CNOT1: variants seen among roughly 807,000 people sequenced by gnomAD.
CNOT1 encodes CCR4-associated factor 1.
Under a neutral mutation model 273.8 loss-of-function variants are expected in CNOT1, and 15 were observed. That is an observed-to-expected ratio of 0.05 (90% CI 0.04 to 0.08). The LOEUF (loss-of-function observed/expected upper bound fraction) is 0.08, where lower values mean the gene tolerates loss of function less well. CNOT1 is among the 10% of genes least tolerant of loss of function. The pLI is 1.00. For missense variants in CNOT1, 1,644 were observed against 2,912.2 expected (o/e 0.56, Z 10.02); for synonymous variants, 1,022 against 1,005.5 (o/e 1.02, Z -0.31).
At chr16:58,609,309 T>C (rs1486646636) in intron 1 of CNOT1, among the ~76,000 whole-genome samples, 3 of 151,722 alleles carry the variant, frequency 2.0e-5, no homozygotes, top group South Asian at 2.1e-4. Context: ...GAGGCGGAGG[T>C]TGCAGTGAGC....
intron 39 of CNOT1, 133 bp downstream of exon 39, chr16:58,536,853 AATG>A: frequency 7.4e-7 from 1 of 1,358,748 alleles, no homozygotes. Context: ...TTAACCATAT[AATG>A]ATGACAGTTT....
chr16:58,555,298 G>T lies in CNOT1; in HGVS notation c.2844C>A (p.Ser948=), dbSNP rs1470539376. ...CAGCAATCCCGAAATAATACATTTT[G>T]GATCCAAAAGGCTTGCGTAAGGCTT... is the stretch of plus-strand genomic sequence containing the variant. The part of the protein sequence containing the change: ...VLEALRKPFG[S]KMYYFGIAAL... Residue 948 remains serine, a synonymous_variant, in exon 21 of 49, where the codon TCC becomes TCA. Coordinates refer to ENST00000317147, the MANE Select transcript of CNOT1 (RefSeq NM_016284.5). The T allele has an allele frequency of 6.2e-7, 1 of 1,614,092 alleles. No individual in the cohort carries two copies. The highest frequency in any genetic ancestry group is 1.1e-5 in the South Asian group (1 of 91,080).
At chr16:58,523,267 C>T in intron 47 of CNOT1, 103 bp downstream of exon 47, 2 of 1,288,500 alleles carry the variant, frequency 1.6e-6, no homozygotes, top group Non-Finnish European at 2.1e-6. Flanking sequence ...AAAAAACCAA[C>T]CAAACGGATT....
intron 12 of CNOT1, 70 bp downstream of exon 12, chr16:58,580,563 T>A: frequency 6.5e-7 from 1 of 1,547,360 alleles, no homozygotes; most frequent in South Asian, 1.3e-5. Context: ...TGTACTTGGC[T>A]TACTATTAAC....
chr16:58,558,479 G>T lies in CNOT1; in HGVS notation c.2326C>A (p.Leu776Ile), dbSNP rs1317069429. The change falls in exon 18 of 49, where the codon CTT becomes ATT. Residue 776 changes from leucine (L) to isoleucine (I), a missense_variant. Leu to Ile is a conservative substitution (Grantham distance 5). Around this residue, in one of 13 missense-constraint regions of CNOT1, gnomAD observed 706 missense variants for 1,021.2 expected, o/e 0.69. Transcript: ENST00000317147. Reference sequence around the variant, plus strand: ...TCATTTGCCTCCCCCTTACCTGGAAGCTGTGATGAAAGTCCTCCAATACCA... The same window carrying T: ...TCATTTGCCTCCCCCTTACCTGGAATCTGTGATGAAAGTCCTCCAATACCA... The part of the protein sequence containing the change: ...FSGIGGLSSQ[L>I]PVGGLGTGSL... The T allele has an allele frequency of 6.2e-7, 1 of 1,613,982 alleles. No individual in the cohort carries two copies. The highest frequency in any genetic ancestry group is 8.5e-7 in the Non-Finnish European group (1 of 1,179,998).
At position 58,558,332 on chromosome 16, in the gene CNOT1, A is replaced by G. The variant is rs756606200; in HGVS notation, c.2332+141T>C. 7.8e-6 allele frequency: 11 copies of G among 1,411,302 alleles called. No homozygotes were observed. In the Admixed American group the frequency reaches 1.7e-4, roughly 21 times the overall value. The allele number at this position is 1,411,302 out of a possible 1,614,324, so 87.4% of individuals were successfully genotyped here. ...AATATAATCTGTTTTTCTTTTCCCAACTTTGGATACTGAAGTAGCTTTCAC... is the reference window on the plus strand; with the variant it reads ...AATATAATCTGTTTTTCTTTTCCCAGCTTTGGATACTGAAGTAGCTTTCAC... On this transcript the variant is annotated intron_variant, in intron 18 of 48. Coordinates refer to ENST00000317147, the MANE Select transcript of CNOT1 (RefSeq NM_016284.5).
In CNOT1 at chr16:58,542,317, G is replaced by A; in HGVS notation, c.4594C>T (p.His1532Tyr). 6.2e-7 allele frequency: 1 copy of A among 1,614,108 alleles called. No homozygotes were observed. Among genetic ancestry groups the A allele is most frequent in the Non-Finnish European group, 8.5e-7 (1 of 1,180,016 alleles). The change falls in exon 33 of 49, where the codon CAT becomes TAT. Residue 1532 changes from histidine to tyrosine, a missense_variant. Transcript: ENST00000317147. The stretch of plus-strand genomic sequence containing the variant: ...TATCTGCGTCCTTCTTGCCTAGCAT[G>A]TTTTCTCAGCTCAAATTCCTGCAAA... ...RLATEFELRK[H>Y]ARQEGRRYCD...
rs560252967 is a variant in CNOT1, at chr16:58,571,210, C to T, written c.1979+3399G>A. Among the ~76,000 whole-genome samples the T allele has an allele frequency of 7.9e-5, 12 of 152,116 alleles. No individual in the cohort carries two copies. The South Asian group carries it at 8.3e-4, about 11-fold the overall frequency. On this transcript the variant is annotated intron_variant, in intron 16 of 48. Transcript: ENST00000317147. ...ACAAAACAAATGTTTAAGAAAAAAACTGTTAATAGAGACAAAGACATTTTA... is the reference window on the plus strand; with the variant it reads ...ACAAAACAAATGTTTAAGAAAAAAATTGTTAATAGAGACAAAGACATTTTA...
chr16:58,591,777 A>G (rs2042064750), intron 2 of CNOT1, among the ~76,000 whole-genome samples: 1 of 151,918 alleles, frequency 6.6e-6, no homozygotes, highest in Non-Finnish European at 1.5e-5. Context: ...AAAGTTAACT[A>G]TGGGATACTC....
At position 58,557,147 on chromosome 16, in the gene CNOT1, C is replaced by T. The variant is rs184187667; in HGVS notation, c.2333-154G>A. 1.9e-3 allele frequency among the ~76,000 whole-genome samples: 288 copies of T among 152,320 alleles called. 1 individual carries two copies. Among genetic ancestry groups the T allele is most frequent in the Non-Finnish European group, 6.5e-4 (44 of 68,026 alleles). ...GTCTTTGTTAATTCCCTTATTACAT[C>T]TATTCAATTTTACAGAGCCTATAAA... is the stretch of plus-strand genomic sequence containing the variant. On this transcript the variant is annotated intron_variant, in intron 18 of 48. Coordinates refer to ENST00000317147, the MANE Select transcript of CNOT1 (RefSeq NM_016284.5).
At position 58,521,335 on chromosome 16, in the gene CNOT1, G is replaced by C; in HGVS notation, c.6918-18C>G. On this transcript the variant is annotated intron_variant, in intron 47 of 48. Transcript: ENST00000317147. The stretch of plus-strand genomic sequence containing the variant: ...AGAGAACTCTGGAAAAAGGGAGAAA[G>C]AGCTAGTTAATGTATAGAAGCATAC... The C allele has an allele frequency of 6.3e-7, 1 of 1,592,988 alleles. No homozygotes were observed. Among genetic ancestry groups the C allele is most frequent in the Non-Finnish European group, 8.5e-7 (1 of 1,174,062 alleles).
At chr16:58,602,476 C>T (rs1388541994) in intron 1 of CNOT1, among the ~76,000 whole-genome samples, 3 of 140,946 alleles carry the variant, frequency 2.1e-5, no homozygotes, top group South Asian at 4.4e-4. Flanking sequence ...TTGCCTAAAC[C>T]TGAGAGGCGG....
Position 58,588,899 on chromosome 16 carries a change from T to C in CNOT1, c.110A>G (p.Asn37Ser). 1 of 1,612,196 alleles carries C rather than the reference T, an allele frequency of 6.2e-7. No homozygotes were observed. Among genetic ancestry groups the C allele is most frequent in the Non-Finnish European group, 8.5e-7 (1 of 1,179,290 alleles). Residue 37 changes from asparagine (N) to serine (S), a missense_variant, in exon 3 of 49, where the codon AAT becomes AGT. Transcript: ENST00000317147. ...CCTGTCTGCCTCAGGACCGTGCCGA[T>C]TCACAATCTAAAATGACCAAAAATA... The part of the protein sequence containing the change: ...ASQQEIQHIV[N>S]RHGPEADRHL...
At position 58,576,519 on chromosome 16, in the gene CNOT1, C is replaced by T; in HGVS notation, c.1648G>A (p.Glu550Lys). The change falls in exon 14 of 49, where the codon GAG becomes AAG. Residue 550 changes from glutamate to lysine, a missense_variant. Coordinates refer to ENST00000317147, the MANE Select transcript of CNOT1 (RefSeq NM_016284.5). The stretch of plus-strand genomic sequence containing the variant: ...GACAATTTGGCCTGATCATACTGCT[C>T]CCCTCTCATGTACCATTCTGCCATT... ...HAMAEWYMRG[E>K]QYDQAKLSRI... 6.2e-7 allele frequency: 1 copy of T among 1,614,172 alleles called. No homozygotes were observed.
intron 23 of CNOT1, 45 bp from the exon 24 acceptor site, chr16:58,551,317 C>G (rs1567401559): frequency 6.6e-7 from 1 of 1,522,420 alleles, no homozygotes; most frequent in East Asian, 2.3e-5. Flanking sequence ...AGTTGAAATG[C>G]TTCCCTGAAA....
intron 22 of CNOT1, among the ~76,000 whole-genome samples, chr16:58,552,080 A>T (rs1038819399): frequency 6.6e-6 from 1 of 152,176 alleles, no homozygotes; most frequent in African/African-American, 2.4e-5. Context: ...AAATGCCTTT[A>T]AACTTCTTTA....
chr16:58,620,726 T>C (rs993672539), intron 1 of CNOT1, among the ~76,000 whole-genome samples: 2 of 137,750 alleles, frequency 1.5e-5, no homozygotes, highest in South Asian at 2.4e-4. Context: ...CTTTTGACTA[T>C]AATACAACAC....
rs1345510217 is a variant in CNOT1 at position 58,587,426 on chromosome 16, A to G, written c.310-13T>C. On this transcript the variant is annotated splice_polypyrimidine_tract_variant and intron_variant, in intron 4 of 48. Transcript: ENST00000317147. ...CAGGCTTTAAACTCTGAAACAAACC[A>G]AATTTTAGTTTAAAATAAGAACTTA... The G allele has an allele frequency of 2.5e-6, 4 of 1,611,046 alleles. No individual in the cohort carries two copies. Among genetic ancestry groups the G allele is most frequent in the African/African-American group, 1.3e-5 (1 of 74,762 alleles).
chr16:58,560,428 C>A, intron 16 of CNOT1, 66 bp from the exon 17 acceptor site: 1 of 1,501,158 alleles, frequency 6.7e-7, no homozygotes, highest in Admixed American at 2.3e-5. Context: ...AGTAAACCAA[C>A]CGATCTGATT....
Sources: gnomAD v4.1 joint callset for allele counts (sites outside exome capture counted in the v4.1 genomes callset) on GRCh38, gnomAD v4.1.1 for gene constraint, gnomAD v4.1.1 regional missense constraint, MANE v1.5 for transcripts, NCBI Gene and HGNC (gene_info 2026-07-23, HGNC 2026-07-21) for gene names.